ADAT1: variants seen among roughly 807,000 people sequenced by gnomAD.
ADAT1 encodes the protein adenosine deaminase tRNA specific 1, also known as tRNA-specific adenosine deaminase 1.
ADAT1 carries 58 observed loss-of-function variants against 58.6 expected under a neutral mutation model. The ratio of observed to expected loss-of-function variants is 0.99; its 90% CI spans 0.80 to 1.23. ADAT1 has a LOEUF of 1.23. ADAT1 is among the 50% of genes most tolerant of loss of function. ADAT1 has a pLI of 0.00. For missense variants in ADAT1, 741 were observed against 608.6 expected, an observed-to-expected ratio of 1.22 and a Z score of -2.29; for synonymous variants, 254 against 220.8, an observed-to-expected ratio of 1.15 and a Z score of -1.33.
chr16:75,604,548 A>C (rs2081322383), intron 8 of ADAT1, among the ~76,000 whole-genome samples: 1 of 148,550 alleles, frequency 6.7e-6, no homozygotes, highest in Non-Finnish European at 1.5e-5. Flanking sequence ...TATGGGGAAA[A>C]TATACGCAAA....
rs2081968326 is a variant in ADAT1 at position 75,622,652 on chromosome 16, A to G, written c.-271T>C. 1 of 152,170 alleles carries G rather than the reference A, an allele frequency of 6.6e-6. No homozygotes were observed. The highest frequency in any genetic ancestry group is 2.4e-5 in the African/African-American group (1 of 41,430). The allele number at this position is 152,170 out of a possible 1,614,324, so 9.4% of individuals were successfully genotyped here. A position where few individuals can be genotyped will look rare whatever the true frequency, so the allele number is the denominator to read the frequency against. ...AATGTTTTGCTACACTGGGTCCATT[A>G]TAATTCGAGCCTACACCCCCTCCTA... On this transcript the variant is annotated 5_prime_UTR_variant, in exon 1 of 10. It removes the in-frame stop codon of an upstream open reading frame in the 5' UTR. Transcript: ENST00000564657.
intron 4 of ADAT1, among the ~76,000 whole-genome samples, chr16:75,617,829 T>C (rs1045707678): frequency 1.3e-5 from 2 of 150,770 alleles, no homozygotes; most frequent in Admixed American, 6.6e-5. Flanking sequence ...CTCATGCCTG[T>C]AAATCCGGCA....
In ADAT1 at chr16:75,598,318, C is replaced by A. The variant is rs1448041549; in HGVS notation, c.*1898G>T. 3.5e-6 allele frequency: 1 copy of A among 281,904 alleles called. No individual in the cohort carries two copies. Among genetic ancestry groups the A allele is most frequent in the Admixed American group, 4.4e-5 (1 of 22,486 alleles). The allele number at this position is 281,904 out of a possible 1,614,324, so 17.5% of individuals were successfully genotyped here. ...CTTGATCTCCTGACGTCGTGATCTG[C>A]CCACCTCGGCCTCCTAAAGTGTTGG... On this transcript the variant is annotated 3_prime_UTR_variant, in exon 10 of 10. Coordinates refer to ENST00000564657, the MANE Select transcript of ADAT1 (RefSeq NM_001324445.2).
At chr16:75,618,756 G>A (rs950840591) in intron 3 of ADAT1, 116 bp from the exon 4 acceptor site, 1 of 1,213,624 alleles carries the variant, frequency 8.2e-7, no homozygotes, top group Non-Finnish European at 1.2e-6. Flanking sequence ...AGCTCCTGGA[G>A]AGCTTTGCCA....
Position 75,597,335 on chromosome 16 carries a change from G to A in ADAT1, c.*2881C>T. ...CACAGAAGGCCATGTGAAGACGGAG[G>A]GAGAAACTGAAGTGATGCAGCCACA... On this transcript the variant is annotated 3_prime_UTR_variant, in exon 10 of 10. Transcript: ENST00000564657. 4.5e-6 allele frequency: 2 copies of A among 447,792 alleles called. No homozygotes were observed. Among genetic ancestry groups the A allele is most frequent in the Admixed American group, 2.4e-5 (1 of 41,434 alleles). 27.7% of individuals were successfully genotyped at this position (447,792 alleles called of 1,614,324 possible).
chr16:75,615,938 T>C (rs920002171), intron 5 of ADAT1, among the ~76,000 whole-genome samples: 3 of 152,072 alleles, frequency 2.0e-5, no homozygotes, highest in Non-Finnish European at 4.4e-5. Context: ...GAGTGCTGCC[T>C]ACCTGTCATT....
Position 75,599,659 on chromosome 16 carries a change from C to G in ADAT1, c.*557G>C. 1.0e-6 allele frequency: 1 copy of G among 985,994 alleles called. No homozygotes were observed. Among genetic ancestry groups the G allele is most frequent in the Non-Finnish European group, 1.2e-6 (1 of 830,084 alleles). The allele number at this position is 985,994 out of a possible 1,614,324, so 61.1% of individuals were successfully genotyped here. The stretch of plus-strand genomic sequence containing the variant: ...AAGCCTTTCCTGATACCTCTGAGAA[C>G]AAGTCCAGGGCAGTCCAGGGCTGGC... On this transcript the variant is annotated 3_prime_UTR_variant, in exon 10 of 10. Transcript: ENST00000564657.
intron 4 of ADAT1, 39 bp from the exon 5 acceptor site, chr16:75,617,311 C>T (rs2081766240): frequency 6.3e-7 from 1 of 1,597,634 alleles, no homozygotes; most frequent in East Asian, 2.2e-5. Context: ...AACAACCGAT[C>T]TCTGTGGTAA....
chr16:75,599,568 G>T lies in ADAT1; in HGVS notation c.*648C>A. On this transcript the variant is annotated 3_prime_UTR_variant, in exon 10 of 10. Coordinates refer to ENST00000564657, the MANE Select transcript of ADAT1 (RefSeq NM_001324445.2). ...ATTCTTTGCTGGCTTTCTCTAGGTAGTAGGAAAAGATGGCCACCGGCAGTC... is the reference window on the plus strand; with the variant it reads ...ATTCTTTGCTGGCTTTCTCTAGGTATTAGGAAAAGATGGCCACCGGCAGTC... 1 of 985,888 alleles carries T rather than the reference G, an allele frequency of 1.0e-6. No individual in the cohort carries two copies. The allele number at this position is 985,888 out of a possible 1,614,324, so 61.1% of individuals were successfully genotyped here.
At chr16:75,604,899 A>AG (rs2081329645) in intron 8 of ADAT1, among the ~76,000 whole-genome samples, 2 of 152,202 alleles carry the variant, frequency 1.3e-5, no homozygotes, top group Non-Finnish European at 2.9e-5. Context: ...CCCTTGGACA[A>AG]CACAGGTTTG....
Position 75,608,863 on chromosome 16 carries a change from C to T in ADAT1, c.1169G>A (p.Arg390Gln), listed in dbSNP as rs768482539. The T allele has an allele frequency of 2.8e-5, 45 of 1,613,884 alleles. No individual in the cohort carries two copies. The highest frequency in any genetic ancestry group is 3.3e-5 in the South Asian group (3 of 91,050). The change falls in exon 7 of 10, where the codon CGA becomes CAA. Residue 390 changes from arginine (R) to glutamine (Q), a missense_variant. Transcript: ENST00000564657. Reference protein sequence around the residue: ...VQAKRADSPGRLVPCGAAISW... With the variant: ...VQAKRADSPGQLVPCGAAISW... The stretch of plus-strand genomic sequence containing the variant: ...CTTACCTGCCCCACAAGGAACAAGT[C>T]GACCTGGGCTATCAGCCCTTTTTGC...
At chr16:75,603,343 G>C (rs866833309) in intron 8 of ADAT1, among the ~76,000 whole-genome samples, 172 bp from the exon 9 acceptor site, 1 of 152,152 alleles carries the variant, frequency 6.6e-6, no homozygotes, top group African/African-American at 2.4e-5. Flanking sequence ...ATTAGGTTGA[G>C]GTATAAAAAC....
chr16:75,611,482 G>C (rs1013933772), intron 6 of ADAT1, among the ~76,000 whole-genome samples: 3 of 151,972 alleles, frequency 2.0e-5, no homozygotes, highest in South Asian at 2.1e-4. Flanking sequence ...ATCTTCCCAG[G>C]GTCAGGTGAT....
At position 75,612,639 on chromosome 16, in the gene ADAT1, T is replaced by C; in HGVS notation, c.647A>G (p.Gln216Arg). 1.2e-6 allele frequency: 2 copies of C among 1,614,106 alleles called. No individual in the cohort carries two copies. The highest frequency in any genetic ancestry group is 1.7e-5 in the Admixed American group (1 of 59,984). The change falls in exon 6 of 10, where the codon CAG (glutamine) becomes CGG (arginine). Residue 216 changes from glutamine to arginine, a missense_variant. Transcript: ENST00000564657. Reference protein sequence around the residue: ...REVTNGAAHHQSFGKQKSGPI... With the variant: ...REVTNGAAHHRSFGKQKSGPI... ...GCCACTTTTCTGCTTGCCAAAACTC[T>C]GATGGTGAGCTGCTCCGTTGGTGAC...
intron 9 of ADAT1, among the ~76,000 whole-genome samples, chr16:75,601,115 C>T (rs1597085660): frequency 6.6e-6 from 1 of 151,826 alleles, no homozygotes; most frequent in Admixed American, 6.6e-5. Flanking sequence ...CCGAAGCAGG[C>T]GGATCACCTG....
chr16:75,602,716 G>T (rs1299660886), intron 9 of ADAT1, among the ~76,000 whole-genome samples: 1 of 152,190 alleles, frequency 6.6e-6, no homozygotes, highest in Admixed American at 6.5e-5. Context: ...AGCAATTTAA[G>T]TCATGGAGCT....
At chr16:75,609,019 G>T (rs948056514) in intron 6 of ADAT1, 31 bp from the exon 7 acceptor site, 1 of 1,612,868 alleles carries the variant, frequency 6.2e-7, no homozygotes, top group Non-Finnish European at 8.5e-7. Context: ...ATTCAGTTTA[G>T]GTGCATGCCT....
rs141035119 is a variant in ADAT1, at chr16:75,620,173, C to G, written c.238+93G>C. On this transcript the variant is annotated intron_variant, in intron 3 of 9. Transcript: ENST00000564657. ...AGTAGGAAACAAATGCCATGCACCT[C>G]AACTGACATGGCCCCTCTTCCCTGA... 47 of 1,256,978 alleles carry G rather than the reference C, an allele frequency of 3.7e-5. No individual in the cohort carries two copies. In the African/African-American group the frequency reaches 6.7e-4, roughly 18 times the overall value. 77.9% of individuals were successfully genotyped at this position (1,256,978 alleles called of 1,614,324 possible).
At chr16:75,605,401 T>C (rs181931673) in intron 8 of ADAT1, among the ~76,000 whole-genome samples, 7 of 152,278 alleles carry the variant, frequency 4.6e-5, no homozygotes, top group African/African-American at 1.4e-4. Flanking sequence ...TTCCTTATGA[T>C]TTTCTTAATA....
Sources: allele counts gnomAD v4.1 joint callset (sites outside exome capture counted in the v4.1 genomes callset), GRCh38; gene constraint gnomAD v4.1.1; transcripts MANE v1.5; gene names NCBI Gene and HGNC (gene_info 2026-07-23, HGNC 2026-07-21).